DSG2: variants seen among roughly 807,000 people sequenced by gnomAD.
The protein encoded by DSG2 is desmoglein-2.
A neutral mutation model predicts 75.6 loss-of-function variants in DSG2; 45 were observed. That is an observed-to-expected ratio of 0.60 (90% CI 0.47 to 0.76). The LOEUF (loss-of-function observed/expected upper bound fraction) is 0.76. Among genes scored for constraint, DSG2 ranks in the 30% least tolerant of loss-of-function variants. The pLI, the probability that DSG2 is intolerant of heterozygous loss-of-function variation, is 0.00. For synonymous variants in DSG2, 429 were observed against 483.9 expected (o/e 0.89, Z 1.49); for missense variants, 1,267 against 1,357.4 (o/e 0.93, Z 1.05).
intron 1 of DSG2, among the ~76,000 whole-genome samples, chr18:31,511,926 T>A (rs1192537746): frequency 6.6e-6 from 1 of 152,166 alleles, no homozygotes; most frequent in Admixed American, 6.5e-5. Context: ...AGATTAGCCT[T>A]GCCTGTGTCA....
chr18:31,513,508 A>G (rs1426214450), intron 1 of DSG2, among the ~76,000 whole-genome samples: 4 of 152,378 alleles, frequency 2.6e-5, no homozygotes, highest in Admixed American at 1.3e-4. Flanking sequence ...CATGCCAGTC[A>G]TTCAGCTCCA....
intron 1 of DSG2, among the ~76,000 whole-genome samples, chr18:31,502,954 A>G (rs1395834747): frequency 6.6e-6 from 1 of 152,216 alleles, no homozygotes; most frequent in Non-Finnish European, 1.5e-5. Context: ...TCTACATATG[A>G]TGAGAAACTA....
chr18:31,510,095 A>G (rs559460893), intron 1 of DSG2, among the ~76,000 whole-genome samples: 1 of 152,350 alleles, frequency 6.6e-6, no homozygotes, highest in Admixed American at 6.5e-5. Context: ...AGGAAAGAAA[A>G]TAACACAGAT....
chr18:31,503,833 T>A (rs2073026003), intron 1 of DSG2, among the ~76,000 whole-genome samples: 1 of 152,182 alleles, frequency 6.6e-6, no homozygotes, highest in East Asian at 1.9e-4. Context: ...ATTTTGGTTG[T>A]CACAGTGCCT....
chr18:31,520,653 C>A, intron 3 of DSG2, 150 bp from the exon 4 acceptor site: 1 of 765,028 alleles, frequency 1.3e-6, no homozygotes, highest in Non-Finnish European at 2.1e-6. Flanking sequence ...CATCTCTGGC[C>A]TGTATTACCA....
chr18:31,523,694 T>G (rs2073143242), intron 6 of DSG2, among the ~76,000 whole-genome samples: 1 of 152,190 alleles, frequency 6.6e-6, no homozygotes, highest in Non-Finnish European at 1.5e-5. Flanking sequence ...ATTAACCTAT[T>G]TAATCCACAT....
chr18:31,528,854 G>A (rs558657184), intron 8 of DSG2, among the ~76,000 whole-genome samples: 23 of 152,284 alleles, frequency 1.5e-4, no homozygotes, highest in Non-Finnish European at 5.9e-5. Flanking sequence ...ATTGCTTGGA[G>A]TGGTGAGTCT....
chr18:31,537,866 G>T (rs1053308461), intron 11 of DSG2, among the ~76,000 whole-genome samples: 4 of 151,948 alleles, frequency 2.6e-5, no homozygotes, highest in African/African-American at 9.7e-5. Flanking sequence ...AGCTGGGCAT[G>T]GTGGTGGGCA....
intron 11 of DSG2, among the ~76,000 whole-genome samples, chr18:31,538,444 C>T (rs1295292887): frequency 1.3e-5 from 2 of 152,070 alleles, no homozygotes; most frequent in Non-Finnish European, 2.9e-5. Context: ...GAAATGTTAA[C>T]TCACCACTTG....
chr18:31,529,951 A>G (rs1239741724), intron 8 of DSG2, among the ~76,000 whole-genome samples: 6 of 152,232 alleles, frequency 3.9e-5, no homozygotes, highest in African/African-American at 4.8e-5. Flanking sequence ...ATGACTGTCT[A>G]TATCTAAGTA....
intron 1 of DSG2, among the ~76,000 whole-genome samples, chr18:31,509,092 G>GA (rs2073053681): frequency 6.6e-6 from 1 of 152,048 alleles, no homozygotes; most frequent in Admixed American, 6.6e-5. Flanking sequence ...TATGTCAAGG[G>GA]AAAAAATAGG....
At chr18:31,508,289 T>G (rs543077531) in intron 1 of DSG2, among the ~76,000 whole-genome samples, 79 of 152,330 alleles carry the variant, frequency 5.2e-4, no homozygotes, top group Admixed American at 2.8e-3. Flanking sequence ...TTGTAGTTGA[T>G]GAATACTTGT....
intron 1 of DSG2, among the ~76,000 whole-genome samples, chr18:31,507,408 A>C (rs2073044556): frequency 6.6e-6 from 1 of 152,218 alleles, no homozygotes; most frequent in Non-Finnish European, 1.5e-5. Context: ...GTGTCTTTAT[A>C]GTAGAATGAT....
intron 5 of DSG2, 68 bp downstream of exon 5, chr18:31,521,311 A>T: frequency 6.9e-7 from 1 of 1,452,736 alleles, no homozygotes; most frequent in Admixed American, 2.0e-5. Context: ...CTGTAAATAA[A>T]CACTAAATTT....
chr18:31,524,545 T>G lies in DSG2; in HGVS notation c.788T>G (p.Leu263Trp). 1 of 1,614,132 alleles carries G rather than the reference T, an allele frequency of 6.2e-7. No individual in the cohort carries two copies. Among genetic ancestry groups the G allele is most frequent in the Non-Finnish European group, 8.5e-7 (1 of 1,179,994 alleles). Reference protein sequence around the residue: ...VKQAQVQIRILDVNDNIPVVE... With the variant: ...VKQAQVQIRIWDVNDNIPVVE... ...CAAGCTCAAGTTCAGATTCGTATTT[T>G]GGATGTCAATGACAATATACCTGTA... The change falls in exon 7 of 15, where the codon TTG becomes TGG. Residue 263 changes from leucine to tryptophan, a missense_variant. Physicochemically the swap from Leu to Trp is moderately conservative, Grantham distance 61. Transcript: ENST00000261590.
intron 1 of DSG2, among the ~76,000 whole-genome samples, chr18:31,501,683 C>G (rs1015814439): frequency 6.6e-6 from 1 of 152,186 alleles, no homozygotes; most frequent in African/African-American, 2.4e-5. Flanking sequence ...CTGTGCATGT[C>G]TGTGTCCTTG....
At chr18:31,516,556 G>C (rs933623267) in intron 1 of DSG2, among the ~76,000 whole-genome samples, 1 of 152,196 alleles carries the variant, frequency 6.6e-6, no homozygotes, top group Non-Finnish European at 1.5e-5. Context: ...GAGGATGAAA[G>C]GGTTGTTAAC....
intron 1 of DSG2, among the ~76,000 whole-genome samples, chr18:31,504,765 A>G (rs1380990525): frequency 1.3e-5 from 2 of 152,170 alleles, no homozygotes; most frequent in Non-Finnish European, 2.9e-5. Context: ...CCCTACTCAG[A>G]TACTTTCCCC....
intron 1 of DSG2, among the ~76,000 whole-genome samples, chr18:31,504,290 C>T (rs552978838): frequency 4.7e-4 from 72 of 152,292 alleles, no homozygotes; most frequent in Middle Eastern, 3.4e-3. Flanking sequence ...TCTTTCAAGC[C>T]CCCTACAATG....
Sources: allele counts gnomAD v4.1 joint callset (sites outside exome capture counted in the v4.1 genomes callset), GRCh38; gene constraint gnomAD v4.1.1; transcripts MANE v1.5; gene names NCBI Gene and HGNC (gene_info 2026-07-23, HGNC 2026-07-21).